MRTFA: variants seen among roughly 807,000 people sequenced by gnomAD.
MRTFA encodes myocardin-related transcription factor A.
In MRTFA, 20 loss-of-function variants were observed where a neutral mutation model predicts 83.5. The ratio of observed to expected loss-of-function variants is 0.24; its 90% CI spans 0.17 to 0.35. MRTFA has a LOEUF of 0.35. Ranked by LOEUF, MRTFA falls within the 10% of genes least tolerant of loss-of-function variation. The probability of loss-of-function intolerance (pLI) is 1.00; values close to 1 mark genes in which losing one functional copy is unlikely to be tolerated. For missense variants in MRTFA, 1,200 were observed against 1,224.7 expected, an observed-to-expected ratio of 0.98 and a Z score of 0.30; for synonymous variants, 659 against 541.2, an observed-to-expected ratio of 1.22 and a Z score of -3.02.
intron 1 of MRTFA, among the ~76,000 whole-genome samples, chr22:40,635,239 C>T (rs1017831417): frequency 6.6e-6 from 1 of 152,164 alleles, no homozygotes; most frequent in Admixed American, 6.5e-5. Flanking sequence ...ACCACCTCAC[C>T]CCCGGGAGAT....
At chr22:40,630,190 C>T (rs749663764) in intron 1 of MRTFA, among the ~76,000 whole-genome samples, 12 of 152,178 alleles carry the variant, frequency 7.9e-5, no homozygotes, top group Non-Finnish European at 1.5e-4. Flanking sequence ...GTGGCACATA[C>T]CTGTAATCCC....
chr22:40,500,237 G>T (rs2054437033), intron 3 of MRTFA, among the ~76,000 whole-genome samples: 1 of 148,850 alleles, frequency 6.7e-6, no homozygotes. Context: ...CCCAGTCTAT[G>T]ATTTTTTTTT....
chr22:40,613,779 G>A (rs932761920), intron 1 of MRTFA, among the ~76,000 whole-genome samples: 4 of 152,020 alleles, frequency 2.6e-5, no homozygotes, highest in African/African-American at 4.8e-5. Context: ...GCGTAGTGGC[G>A]CACACCTATG....
intron 6 of MRTFA, 111 bp downstream of exon 6, chr22:40,431,294 C>A: frequency 1.9e-6 from 2 of 1,040,038 alleles, no homozygotes; most frequent in Non-Finnish European, 3.0e-6. Context: ...GGCTTACCCA[C>A]TGCCAACAGA....
intron 4 of MRTFA, among the ~76,000 whole-genome samples, chr22:40,447,642 C>A (rs1476791629): frequency 6.6e-6 from 1 of 152,186 alleles, no homozygotes; most frequent in Non-Finnish European, 1.5e-5. Flanking sequence ...GACAAAAAGG[C>A]TTCTGAGGTA....
At chr22:40,598,068 C>T (rs1315832584) in intron 1 of MRTFA, among the ~76,000 whole-genome samples, 1 of 152,128 alleles carries the variant, frequency 6.6e-6, no homozygotes, top group Non-Finnish European at 1.5e-5. Flanking sequence ...CAGAAAAAGT[C>T]AACTCCTAAA....
intron 1 of MRTFA, among the ~76,000 whole-genome samples, chr22:40,600,655 C>T (rs1463662817): frequency 1.3e-5 from 2 of 152,120 alleles, no homozygotes; most frequent in Non-Finnish European, 2.9e-5. Flanking sequence ...ATTAAGGTAC[C>T]ATAACATATG....
At chr22:40,421,823 G>A (rs2052847092) in intron 9 of MRTFA, among the ~76,000 whole-genome samples, 1 of 152,230 alleles carries the variant, frequency 6.6e-6, no homozygotes, top group Admixed American at 6.5e-5. Context: ...GAGCCGAGAA[G>A]TTTTGAGCAG....
intron 2 of MRTFA, among the ~76,000 whole-genome samples, chr22:40,576,177 C>T (rs1019849188): frequency 5.9e-5 from 9 of 151,780 alleles, no homozygotes; most frequent in Non-Finnish European, 1.2e-4. Flanking sequence ...TACAGGTGCG[C>T]GCCACCACGC....
At chr22:40,617,651 C>T (rs1386256579) in intron 1 of MRTFA, among the ~76,000 whole-genome samples, 29 of 148,484 alleles carry the variant, frequency 2.0e-4, no homozygotes, top group Non-Finnish European at 3.0e-4. Flanking sequence ...GGCATGAACC[C>T]GGGAGGCGGA....
chr22:40,539,905 CTTTTTTTTT>C (rs367760561), intron 3 of MRTFA, among the ~76,000 whole-genome samples: 4 of 127,344 alleles, frequency 3.1e-5, no homozygotes, highest in African/African-American at 1.2e-4. Flanking sequence ...TCACGGTTAT[CTTTTTTTTT>C]TTTTTTTTTT....
At chr22:40,574,704 G>A (rs1430661897) in intron 2 of MRTFA, among the ~76,000 whole-genome samples, 2 of 151,988 alleles carry the variant, frequency 1.3e-5, no homozygotes, top group Admixed American at 1.3e-4. Context: ...AAAGTGCTGG[G>A]ATTATAGATG....
At chr22:40,608,641 A>G (rs960633635) in intron 1 of MRTFA, among the ~76,000 whole-genome samples, 1 of 152,204 alleles carries the variant, frequency 6.6e-6, no homozygotes, top group Non-Finnish European at 1.5e-5. Context: ...GGTCTTAACC[A>G]CTACACCATG....
chr22:40,427,525 G>A (rs1282185050), intron 7 of MRTFA, among the ~76,000 whole-genome samples: 1 of 152,206 alleles, frequency 6.6e-6, no homozygotes, highest in Non-Finnish European at 1.5e-5. Context: ...CTCAGGAGGG[G>A]CAGGCAGGTG....
chr22:40,514,903 T>C (rs1328674537), intron 3 of MRTFA, among the ~76,000 whole-genome samples: 1 of 150,652 alleles, frequency 6.6e-6, no homozygotes, highest in Non-Finnish European at 1.5e-5. Context: ...TTCTCCAATA[T>C]TTCTTCCTTT....
intron 4 of MRTFA, among the ~76,000 whole-genome samples, chr22:40,440,962 T>C (rs1220170151): frequency 6.6e-6 from 1 of 152,074 alleles, no homozygotes; most frequent in Non-Finnish European, 1.5e-5. Flanking sequence ...AGACTCCATC[T>C]CCCCTCTCCC....
In MRTFA at chr22:40,459,832, T is replaced by C. The variant is rs201660207; in HGVS notation, c.307+3389A>G. On this transcript the variant is annotated intron_variant, in intron 4 of 14. Transcript: ENST00000355630. Reference sequence around the variant, plus strand: ...ACACACACACACACACATATATACATATATATATATATATATATATATATA... The same window carrying C: ...ACACACACACACACACATATATACACATATATATATATATATATATATATA... Among the ~76,000 whole-genome samples the C allele has an allele frequency of 1.6e-3, 98 of 61,540 alleles. 1 individual carries two copies. The highest frequency in any genetic ancestry group is 5.1e-3 in the African/African-American group (89 of 17,472). The allele number at this position is 61,540 out of a possible 152,430, so 40.4% of individuals were successfully genotyped here.
intron 3 of MRTFA, among the ~76,000 whole-genome samples, chr22:40,475,742 G>A (rs1569286411): frequency 1.3e-5 from 2 of 152,188 alleles, no homozygotes; most frequent in Admixed American, 6.5e-5. Flanking sequence ...AAATAGTTAT[G>A]TATTTTTCAG....
chr22:40,560,820 G>A (rs1221143103), intron 2 of MRTFA, among the ~76,000 whole-genome samples: 1 of 152,044 alleles, frequency 6.6e-6, no homozygotes, highest in African/African-American at 2.4e-5. Flanking sequence ...CCGCTTTAGG[G>A]CTGCATGCCT....
Sources: allele counts gnomAD v4.1 joint callset (sites outside exome capture counted in the v4.1 genomes callset), GRCh38; gene constraint gnomAD v4.1.1; transcripts MANE v1.5; gene names NCBI Gene and HGNC (gene_info 2026-07-23, HGNC 2026-07-21).